Variants in WWOX observed in about 807,000 individuals in gnomAD.
The protein encoded by WWOX is WW domain containing oxidoreductase.
In WWOX, 69 loss-of-function variants were observed where a neutral mutation model predicts 46.2. That is an observed-to-expected ratio of 1.49 (90% CI 1.23 to 1.82). WWOX has a LOEUF of 1.82. WWOX is among the 40% of genes most tolerant of loss of function. The pLI, the probability that WWOX is intolerant of heterozygous loss-of-function variation, is 0.00. For synonymous variants in WWOX, 359 were observed against 202.6 expected, an observed-to-expected ratio of 1.77 and a Z score of -6.56; for missense variants, 919 against 542.6, an observed-to-expected ratio of 1.69 and a Z score of -6.89.
intron 8 of WWOX, among the ~76,000 whole-genome samples, chr16:78,938,281 C>G (rs1466562806): frequency 1.3e-5 from 2 of 152,162 alleles, no homozygotes; most frequent in Non-Finnish European, 2.9e-5. Flanking sequence ...ATCAGTGTTG[C>G]CCAGACCCTA....
At chr16:78,117,163 C>G (rs1011391374) in intron 4 of WWOX, among the ~76,000 whole-genome samples, 1 of 152,170 alleles carries the variant, frequency 6.6e-6, no homozygotes, top group African/African-American at 2.4e-5. Flanking sequence ...CCCACTTCCC[C>G]CTAAGACTCT....
At chr16:78,236,432 C>T (rs1038813725) in intron 5 of WWOX, among the ~76,000 whole-genome samples, 3 of 152,142 alleles carry the variant, frequency 2.0e-5, no homozygotes, top group Admixed American at 6.5e-5. Context: ...TTTTGACAGA[C>T]ACATTAAGAG....
chr16:78,226,279 A>G (rs1328654857), intron 5 of WWOX, among the ~76,000 whole-genome samples: 2 of 152,170 alleles, frequency 1.3e-5, no homozygotes, highest in African/African-American at 4.8e-5. Flanking sequence ...CCAGCCATCA[A>G]GGAAAAGGGT....
intron 8 of WWOX, among the ~76,000 whole-genome samples, chr16:78,713,829 G>A (rs1343851649): frequency 6.6e-6 from 1 of 152,104 alleles, no homozygotes; most frequent in Non-Finnish European, 1.5e-5. Flanking sequence ...AGATAATACA[G>A]TCCCATTCTC....
At position 78,400,980 on chromosome 16, in the gene WWOX, G is replaced by C. The variant is rs530469975; in HGVS notation, c.605+14032G>C. 7.2e-5 allele frequency among the ~76,000 whole-genome samples: 11 copies of C among 152,214 alleles called. No individual in the cohort carries two copies. The South Asian group carries it at 1.7e-3, about 23-fold the overall frequency. Reference sequence around the variant, plus strand: ...TGGGACTACATGCCTGCACCATCATGCCTGGCTAATTTTTATTTTTGTAGA... The same window carrying C: ...TGGGACTACATGCCTGCACCATCATCCCTGGCTAATTTTTATTTTTGTAGA... On this transcript the variant is annotated intron_variant, in intron 6 of 8. Coordinates refer to ENST00000566780, the MANE Select transcript of WWOX (RefSeq NM_016373.4).
At chr16:78,734,892 G>T (rs79961010) in intron 8 of WWOX, among the ~76,000 whole-genome samples, 2,540 of 94,926 alleles carry the variant, frequency 0.027, 96 homozygotes, top group African/African-American at 0.091. Flanking sequence ...TTGAGATAGG[G>T]TCTGGCTCTG....
At chr16:78,865,991 C>G (rs940824564) in intron 8 of WWOX, among the ~76,000 whole-genome samples, 1 of 152,196 alleles carries the variant, frequency 6.6e-6, no homozygotes, top group African/African-American at 2.4e-5. Context: ...TGATCACATA[C>G]TACGCAGAAA....
chr16:79,191,395 G>T (rs1273062815), intron 8 of WWOX, among the ~76,000 whole-genome samples: 3 of 152,158 alleles, frequency 2.0e-5, no homozygotes, highest in African/African-American at 4.8e-5. Context: ...CACCGAGATA[G>T]TAAGTGGACA....
chr16:78,301,171 G>T (rs550119556), intron 5 of WWOX, among the ~76,000 whole-genome samples: 117 of 152,286 alleles, frequency 7.7e-4, no homozygotes, highest in Middle Eastern at 3.4e-3. Flanking sequence ...TATGAAATTG[G>T]TAATAATTTG....
rs538951630 is a variant in WWOX, at chr16:78,206,270, T to C, written c.516+41981T>C. 3.3e-5 allele frequency among the ~76,000 whole-genome samples: 5 copies of C among 152,268 alleles called. No individual in the cohort carries two copies. In the South Asian group the frequency reaches 8.3e-4, roughly 25 times the overall value. ...GAATGAAAATAAATAATTTTGGAAA[T>C]GAGCCTGTCATTGAAATATACTTTA... is the stretch of plus-strand genomic sequence containing the variant. On this transcript the variant is annotated intron_variant, in intron 5 of 8. Coordinates refer to ENST00000566780, the MANE Select transcript of WWOX (RefSeq NM_016373.4).
At chr16:78,378,052 T>C (rs1197469540) in intron 5 of WWOX, among the ~76,000 whole-genome samples, 1 of 152,028 alleles carries the variant, frequency 6.6e-6, no homozygotes, top group Non-Finnish European at 1.5e-5. Flanking sequence ...GCTGGATGGT[T>C]GATTTGAAGG....
chr16:78,452,463 T>C (rs533578177), intron 8 of WWOX, among the ~76,000 whole-genome samples: 204 of 150,656 alleles, frequency 1.4e-3, no homozygotes, highest in African/African-American at 4.3e-3. Flanking sequence ...AAATACTTTT[T>C]TCTCTCTCTC....
At chr16:78,256,356 C>T (rs2038131920) in intron 5 of WWOX, among the ~76,000 whole-genome samples, 1 of 151,892 alleles carries the variant, frequency 6.6e-6, no homozygotes, top group Non-Finnish European at 1.5e-5. Flanking sequence ...CTGGCCTCTA[C>T]CGCTTCACTT....
intron 8 of WWOX, among the ~76,000 whole-genome samples, chr16:79,058,365 A>C (rs1363295062): frequency 1.5e-5 from 2 of 131,626 alleles, no homozygotes; most frequent in Non-Finnish European, 3.2e-5. Context: ...CACATTTGGC[A>C]AGTAGTAAAC....
intron 8 of WWOX, among the ~76,000 whole-genome samples, chr16:78,702,136 A>C: frequency 7.8e-6 from 1 of 128,404 alleles, no homozygotes; most frequent in African/African-American, 3.1e-5. Flanking sequence ...ATTTATTTTC[A>C]AGACATGGTG....
intron 5 of WWOX, among the ~76,000 whole-genome samples, chr16:78,196,718 G>C (rs1329223823): frequency 6.6e-6 from 1 of 152,120 alleles, no homozygotes. Context: ...GACTGTACAG[G>C]CAGAGTGCTG....
At chr16:78,846,619 T>C (rs2052305703) in intron 8 of WWOX, among the ~76,000 whole-genome samples, 1 of 152,174 alleles carries the variant, frequency 6.6e-6, no homozygotes, top group African/African-American at 2.4e-5. Flanking sequence ...GAAAATATCT[T>C]ATTACTAGTG....
rs189608854 is a variant in WWOX at position 78,643,048 on chromosome 16, C to G, written c.1056+210296C>G. Among the ~76,000 whole-genome samples the G allele has an allele frequency of 2.0e-5, 3 of 152,216 alleles. No homozygotes were observed. In the East Asian group the frequency reaches 5.8e-4, roughly 29 times the overall value. On this transcript the variant is annotated intron_variant, in intron 8 of 8. Coordinates refer to ENST00000566780, the MANE Select transcript of WWOX (RefSeq NM_016373.4). ...AAGTAAATGTTAGTGCTACTATTATCCCTGCTGCTGTTAACCCCAACTAGA... is the reference window on the plus strand; with the variant it reads ...AAGTAAATGTTAGTGCTACTATTATGCCTGCTGCTGTTAACCCCAACTAGA...
At chr16:78,753,822 A>ATAT (rs1441948277) in intron 8 of WWOX, among the ~76,000 whole-genome samples, 1 of 70,294 alleles carries the variant, frequency 1.4e-5, no homozygotes, top group East Asian at 4.1e-4. Context: ...AAAAAAAAAA[A>ATAT]AAAATATATA....
Sources: gnomAD v4.1 joint callset for allele counts (sites outside exome capture counted in the v4.1 genomes callset) on GRCh38, gnomAD v4.1.1 for gene constraint, MANE v1.5 for transcripts, NCBI Gene and HGNC (gene_info 2026-07-23, HGNC 2026-07-21) for gene names.